The following NFIA variants were observed in gnomAD, a reference collection of about 807,000 sequenced individuals.
NFIA encodes nuclear factor 1 A-type.
NFIA carries 8 observed loss-of-function variants against 62.8 expected under a neutral mutation model. The ratio of observed to expected loss-of-function variants is 0.13; its 90% CI spans 0.07 to 0.23. The LOEUF is 0.23. NFIA is among the 10% of genes least tolerant of loss of function. The pLI, the probability that NFIA is intolerant of heterozygous loss-of-function variation, is 1.00. For synonymous variants in NFIA, 235 were observed against 238.1 expected, an observed-to-expected ratio of 0.99 and a Z score of 0.12; for missense variants, 410 against 642.1, an observed-to-expected ratio of 0.64 and a Z score of 3.91.
chr1:61,255,678 G>C (rs1011472420), intron 2 of NFIA, among the ~76,000 whole-genome samples: 1 of 152,176 alleles, frequency 6.6e-6, no homozygotes, highest in South Asian at 2.1e-4. Context: ...AATAGAACTA[G>C]GGTTTGGTTT....
chr1:61,295,692 T>A (rs898451354), intron 3 of NFIA, among the ~76,000 whole-genome samples: 18 of 152,342 alleles, frequency 1.2e-4, no homozygotes, highest in African/African-American at 1.7e-4. Context: ...TTTCCTCGTC[T>A]GTAAAATAGT....
intron 2 of NFIA, among the ~76,000 whole-genome samples, chr1:61,180,369 C>T (rs545726981): frequency 6.6e-6 from 1 of 152,206 alleles, no homozygotes; most frequent in Non-Finnish European, 1.5e-5. Context: ...GGAAACCTCA[C>T]TATTGATTGG....
intron 2 of NFIA, among the ~76,000 whole-genome samples, chr1:61,199,255 C>G (rs1393576079): frequency 2.6e-5 from 4 of 152,152 alleles, no homozygotes; most frequent in Non-Finnish European, 4.4e-5. Context: ...TCTTGGAAAA[C>G]AGTAACAACA....
In NFIA at chr1:61,273,035, C is replaced by T. The variant is rs112335465; in HGVS notation, c.560-4485C>T. On this transcript the variant is annotated intron_variant, in intron 2 of 10. Transcript: ENST00000403491. ...TTTTCTAGTGGAACCAGAATTTGTG[C>T]TTTTATGGTCCATAGACTTTGGTTG... 9.2e-5 allele frequency among the ~76,000 whole-genome samples: 14 copies of T among 152,208 alleles called. 1 individual carries two copies. The highest frequency in any genetic ancestry group is 3.1e-4 in the African/African-American group (13 of 41,558).
At chr1:61,332,441 A>C (rs1261612752) in intron 3 of NFIA, 71 bp from the exon 4 acceptor site, 3 of 1,401,928 alleles carry the variant, frequency 2.1e-6, no homozygotes, top group Non-Finnish European at 3.0e-6. Flanking sequence ...AATGAAACTA[A>C]TATTTAAAGC....
At chr1:61,321,278 T>C (rs1197010087) in intron 3 of NFIA, among the ~76,000 whole-genome samples, 1 of 152,196 alleles carries the variant, frequency 6.6e-6, no homozygotes, top group Non-Finnish European at 1.5e-5. Context: ...TTTGTTTCTC[T>C]GTTCTTGTAC....
At chr1:61,077,977 A>G (rs1319057675), upstream of NFIA, among the ~76,000 whole-genome samples, 2 of 151,576 alleles carry the variant, frequency 1.3e-5, no homozygotes, top group Non-Finnish European at 2.9e-5. Context: ...TCTGTAAAAG[A>G]CGTCTGGCCT....
rs183704030 is a variant in NFIA at position 61,360,264 on chromosome 1, G to A, written c.946+990G>A. ...TGAAACCCTTTCCAATGTCTAACAC[G>A]TGGTTTAGAGGGAATCTTCTCCAAA... is the stretch of plus-strand genomic sequence containing the variant. On this transcript the variant is annotated intron_variant, in intron 6 of 10. Coordinates refer to ENST00000403491, the MANE Select transcript of NFIA (RefSeq NM_001134673.4). 7.2e-5 allele frequency among the ~76,000 whole-genome samples: 11 copies of A among 152,226 alleles called. No homozygotes were observed. The South Asian group carries it at 1.5e-3, about 20-fold the overall frequency.
chr1:61,102,249 CAGTA>C (rs1320799417), intron 2 of NFIA, among the ~76,000 whole-genome samples: 2 of 152,112 alleles, frequency 1.3e-5, no homozygotes, highest in African/African-American at 4.8e-5. Context: ...GTCTAACAGT[CAGTA>C]AGAGACATGA....
chr1:61,103,454 A>C (rs1646545817), intron 2 of NFIA, among the ~76,000 whole-genome samples: 1 of 152,160 alleles, frequency 6.6e-6, no homozygotes, highest in African/African-American at 2.4e-5. Context: ...GCATATTAGT[A>C]CTTGCCATTA....
chr1:61,381,418 T>C (rs1184770141), intron 6 of NFIA, among the ~76,000 whole-genome samples: 3 of 152,162 alleles, frequency 2.0e-5, no homozygotes, highest in Non-Finnish European at 4.4e-5. Context: ...ATTAGAACTT[T>C]GGTATGGTGT....
chr1:61,077,652 C>A, upstream of NFIA: 1 of 1,407,096 alleles, frequency 7.1e-7, no homozygotes, highest in Non-Finnish European at 9.4e-7. Flanking sequence ...CTTAAACTTT[C>A]TATTTTGCAT....
At chr1:61,423,067 G>A (rs1038530701) in intron 9 of NFIA, among the ~76,000 whole-genome samples, 1 of 152,126 alleles carries the variant, frequency 6.6e-6, no homozygotes, top group African/African-American at 2.4e-5. Context: ...ACTTACTGCT[G>A]TAGTGCAGGC....
chr1:61,291,150 G>A (rs1658856877), intron 3 of NFIA, among the ~76,000 whole-genome samples: 1 of 152,192 alleles, frequency 6.6e-6, no homozygotes, highest in Non-Finnish European at 1.5e-5. Flanking sequence ...GAAGAGAAAA[G>A]CAGGTGCTAG....
chr1:61,123,569 G>C (rs1368539932), intron 2 of NFIA, among the ~76,000 whole-genome samples: 1 of 152,182 alleles, frequency 6.6e-6, no homozygotes, highest in Admixed American at 6.5e-5. Flanking sequence ...GGAGGGTAAT[G>C]ATGCCTTAGA....
At chr1:61,169,100 G>A (rs913709424) in intron 2 of NFIA, among the ~76,000 whole-genome samples, 3 of 152,046 alleles carry the variant, frequency 2.0e-5, no homozygotes, top group Admixed American at 1.3e-4. Context: ...TCTTTTATTT[G>A]CAAAATTTAG....
intron 5 of NFIA, among the ~76,000 whole-genome samples, chr1:61,357,692 T>C (rs1157630092): frequency 6.6e-6 from 1 of 152,194 alleles, no homozygotes; most frequent in Non-Finnish European, 1.5e-5. Flanking sequence ...TTTGCCTCTC[T>C]GTCTCCATGT....
Position 61,456,198 on chromosome 1 carries a change from A to G in NFIA, c.*878A>G, listed in dbSNP as rs1185411346. 2.0e-5 allele frequency: 3 copies of G among 152,610 alleles called. No individual in the cohort carries two copies. Among genetic ancestry groups the G allele is most frequent in the African/African-American group, 7.2e-5 (3 of 41,448 alleles). The allele number at this position is 152,610 out of a possible 1,614,324, so 9.5% of individuals were successfully genotyped here. On this transcript the variant is annotated 3_prime_UTR_variant, in exon 11 of 11. Transcript: ENST00000403491. Reference sequence around the variant, plus strand: ...TAAAGTGCAATTTCATTGGATAGCTAAATATCTTTGTAAGATAGAGATTGT... The same window carrying G: ...TAAAGTGCAATTTCATTGGATAGCTGAATATCTTTGTAAGATAGAGATTGT...
At chr1:61,150,658 C>T (rs905605500) in intron 2 of NFIA, among the ~76,000 whole-genome samples, 1 of 152,124 alleles carries the variant, frequency 6.6e-6, no homozygotes, top group African/African-American at 2.4e-5. Context: ...GTGGATTTCT[C>T]AGCTTCCTGG....
Sources: allele counts gnomAD v4.1 joint callset (sites outside exome capture counted in the v4.1 genomes callset), GRCh38; gene constraint gnomAD v4.1.1; transcripts MANE v1.5; gene names NCBI Gene and HGNC (gene_info 2026-07-23, HGNC 2026-07-21).